The following ASIC2 variants were observed in gnomAD, a reference collection of about 807,000 sequenced individuals.
ASIC2 encodes the protein acid-sensing ion channel 2.
In ASIC2, 25 loss-of-function variants were observed where a neutral mutation model predicts 57.3. That is an observed-to-expected ratio of 0.44 (90% CI 0.32 to 0.61). ASIC2 has a LOEUF of 0.61. Ranked by LOEUF, ASIC2 falls within the 20% of genes least tolerant of loss-of-function variation. The pLI is 0.06. For synonymous variants in ASIC2, 319 were observed against 307.5 expected (o/e 1.04, Z -0.39); for missense variants, 641 against 738.1 (o/e 0.87, Z 1.52).
intron 1 of ASIC2, among the ~76,000 whole-genome samples, chr17:33,324,332 A>G (rs1361381290): frequency 6.6e-6 from 1 of 152,044 alleles, no homozygotes; most frequent in East Asian, 1.9e-4. Context: ...GTGCATTATC[A>G]CTGGGCAACT....
Position 34,156,046 on chromosome 17 carries a change from C to A in ASIC2, c.487G>T (p.Asp163Tyr). 6.2e-7 allele frequency: 1 copy of A among 1,614,040 alleles called. No homozygotes were observed. Among genetic ancestry groups the A allele is most frequent in the Non-Finnish European group, 8.5e-7 (1 of 1,180,024 alleles). ...CAGTAGAGCATCATATCCTTCAGGT[C>A]ATGGCCCACACGGTGCAGGAACTCC... The change falls in exon 1 of 10, where the codon GAC (aspartate) becomes TAC (tyrosine). Residue 163 changes from aspartate to tyrosine, a missense_variant. Coordinates refer to the ASIC2 transcript ENST00000359872. This position sits in a 1 kb window ranked among gnomAD's most constrained non-coding sequence, Gnocchi z 4.4.
At chr17:33,988,805 C>G (rs1905910939) in intron 1 of ASIC2, among the ~76,000 whole-genome samples, 1 of 151,982 alleles carries the variant, frequency 6.6e-6, no homozygotes, top group African/African-American at 2.4e-5. Flanking sequence ...TAAGTTATCC[C>G]CCTATCCCTG....
intron 1 of ASIC2, among the ~76,000 whole-genome samples, chr17:33,945,678 C>T (rs908696174): frequency 1.2e-4 from 19 of 152,100 alleles, no homozygotes; most frequent in African/African-American, 4.3e-4. Context: ...AAATGAATCC[C>T]ACAAATCTTC....
At chr17:33,530,522 GAAA>G (rs971942321) in intron 1 of ASIC2, among the ~76,000 whole-genome samples, 4 of 152,246 alleles carry the variant, frequency 2.6e-5, no homozygotes, top group Non-Finnish European at 5.9e-5. Flanking sequence ...ACCTTTTAAT[GAAA>G]CCACTTAATT....
intron 1 of ASIC2, among the ~76,000 whole-genome samples, chr17:33,179,746 C>G (rs945763116): frequency 1.3e-5 from 2 of 152,152 alleles, no homozygotes; most frequent in Non-Finnish European, 2.9e-5. Context: ...GTGATGAGGC[C>G]AGAAGTTGAA....
chr17:33,144,249 T>C (rs1904455132), intron 1 of ASIC2, among the ~76,000 whole-genome samples: 1 of 151,770 alleles, frequency 6.6e-6, no homozygotes. Flanking sequence ...TACAGTAATA[T>C]CAGGAATATG....
intron 1 of ASIC2, among the ~76,000 whole-genome samples, chr17:33,279,220 A>G (rs1040490580): frequency 5.3e-5 from 8 of 152,202 alleles, no homozygotes; most frequent in Non-Finnish European, 1.0e-4. Flanking sequence ...TCTGCACCCC[A>G]TCTTCCAGGC....
chr17:33,796,178 T>A (rs1336576288), intron 1 of ASIC2, among the ~76,000 whole-genome samples: 1 of 152,216 alleles, frequency 6.6e-6, no homozygotes, highest in Non-Finnish European at 1.5e-5. Context: ...AGACCACCAA[T>A]GTGTTTAGTA....
intron 1 of ASIC2, among the ~76,000 whole-genome samples, chr17:33,464,685 CTCTA>C (rs199888787): frequency 0.01 from 1,094 of 104,632 alleles, 6 homozygotes; most frequent in Middle Eastern, 0.023. Context: ...CTCTCTCTCT[CTCTA>C]TATATATATA....
At chr17:33,415,046 C>T (rs1232090581) in intron 1 of ASIC2, among the ~76,000 whole-genome samples, 2 of 152,218 alleles carry the variant, frequency 1.3e-5, no homozygotes, top group Admixed American at 6.5e-5. Flanking sequence ...TAGTGGAGGG[C>T]AGTCATACCA....
chr17:33,318,862 G>A (rs1906759026), intron 1 of ASIC2, among the ~76,000 whole-genome samples: 1 of 152,190 alleles, frequency 6.6e-6, no homozygotes, highest in Non-Finnish European at 1.5e-5. Flanking sequence ...TTCCTTTTCT[G>A]GAGAGAGCTG....
intron 1 of ASIC2, among the ~76,000 whole-genome samples, chr17:33,857,442 A>G (rs1275883386): frequency 6.6e-6 from 1 of 152,176 alleles, no homozygotes; most frequent in African/African-American, 2.4e-5. Flanking sequence ...CACAGGTTCC[A>G]TCCCCAATTC....
At chr17:33,397,431 AG>A (rs1555604988) in intron 1 of ASIC2, among the ~76,000 whole-genome samples, 2 of 152,214 alleles carry the variant, frequency 1.3e-5, no homozygotes, top group Non-Finnish European at 2.9e-5. Flanking sequence ...TGTAACTAGC[AG>A]GGGACCTTAC....
At chr17:33,510,136 C>T (rs1415104033) in intron 1 of ASIC2, among the ~76,000 whole-genome samples, 1 of 152,166 alleles carries the variant, frequency 6.6e-6, no homozygotes, top group Non-Finnish European at 1.5e-5. Context: ...TTTTCCAGCC[C>T]TGTCTCAGAA....
At chr17:33,846,490 G>C (rs1309999765) in intron 1 of ASIC2, among the ~76,000 whole-genome samples, 6 of 152,112 alleles carry the variant, frequency 3.9e-5, no homozygotes, top group African/African-American at 1.4e-4. Context: ...CTGCAGAGTG[G>C]GATGGGGGAG....
intron 1 of ASIC2, among the ~76,000 whole-genome samples, chr17:34,011,748 A>G (rs1268667146): frequency 6.6e-6 from 1 of 152,028 alleles, no homozygotes; most frequent in East Asian, 1.9e-4. Flanking sequence ...TCCTCATATT[A>G]CCAGACTTTT....
In ASIC2 at chr17:33,385,265, G is replaced by A. The variant is rs200399489; in HGVS notation, c.556-273198C>T. Among the ~76,000 whole-genome samples the A allele has an allele frequency of 4.9e-4, 74 of 152,186 alleles. No individual in the cohort carries two copies. In the East Asian group the frequency reaches 7.3e-3, roughly 15 times the overall value. On this transcript the variant is annotated intron_variant, in intron 1 of 9. Coordinates refer to the ASIC2 transcript ENST00000359872. ...CCACTCTTCAGCCTGGGTTTTTCCCGGGCTCTTCACTCTGGCCTCCCTCCC... is the reference window on the plus strand; with the variant it reads ...CCACTCTTCAGCCTGGGTTTTTCCCAGGCTCTTCACTCTGGCCTCCCTCCC...
At chr17:33,613,388 T>TA (rs1491097254) in intron 1 of ASIC2, among the ~76,000 whole-genome samples, 2 of 140,704 alleles carry the variant, frequency 1.4e-5, no homozygotes, top group East Asian at 4.4e-4. Context: ...TTTTTTTTTT[T>TA]CCTTCCTGCT....
chr17:33,021,411 C>T, intron 6 of ASIC2, 101 bp from the exon 7 acceptor site: 1 of 1,004,500 alleles, frequency 1.0e-6, no homozygotes, highest in Non-Finnish European at 1.4e-6. Context: ...AAAAGGAGGC[C>T]CAGGAAGTGA....
Sources: gnomAD v4.1 joint callset for allele counts (sites outside exome capture counted in the v4.1 genomes callset) on GRCh38, gnomAD v4.1.1 for gene constraint, Gnocchi (gnomAD v3.1) non-coding constraint, MANE v1.5 for transcripts, NCBI Gene and HGNC (gene_info 2026-07-23, HGNC 2026-07-21) for gene names.